XYLT1: variants seen among roughly 807,000 people sequenced by gnomAD.
XYLT1 encodes beta-D-xylosyltransferase 1.
XYLT1 carries 36 observed loss-of-function variants against 91.3 expected under a neutral mutation model. The observed-to-expected ratio is 0.39, with a 90% CI of 0.30 to 0.52. XYLT1 has a LOEUF of 0.52. Ranked by LOEUF, XYLT1 falls within the 20% of genes least tolerant of loss-of-function variation. The probability of loss-of-function intolerance (pLI) is 0.68; values close to 1 mark genes in which losing one functional copy is unlikely to be tolerated. For missense variants in XYLT1, 1,242 were observed against 1,284.5 expected (o/e 0.97, Z 0.51); for synonymous variants, 588 against 532.0 (o/e 1.11, Z -1.45).
chr16:17,316,871 G>A (rs534162707), intron 2 of XYLT1, among the ~76,000 whole-genome samples: 4 of 150,664 alleles, frequency 2.7e-5, no homozygotes, highest in African/African-American at 9.8e-5. Flanking sequence ...GCCCAGGCTG[G>A]AGTGCAGTGG....
At chr16:17,323,806 C>T (rs1425597241) in intron 2 of XYLT1, among the ~76,000 whole-genome samples, 1 of 152,026 alleles carries the variant, frequency 6.6e-6, no homozygotes, top group East Asian at 1.9e-4. Context: ...ATGAATATGC[C>T]CAGGTCTGAT....
At chr16:17,216,958 G>C (rs535390663) in intron 3 of XYLT1, among the ~76,000 whole-genome samples, 302 of 152,316 alleles carry the variant, frequency 2.0e-3, no homozygotes, top group African/African-American at 6.7e-3. Flanking sequence ...TGCTCCTAGA[G>C]GGCAGGGATG....
intron 2 of XYLT1, among the ~76,000 whole-genome samples, chr16:17,265,320 T>G (rs547556037): frequency 6.6e-6 from 1 of 152,288 alleles, no homozygotes; most frequent in Non-Finnish European, 1.5e-5. Context: ...CTCTACCAAT[T>G]AACACTCTCT....
At position 17,312,698 on chromosome 16, in the gene XYLT1, T is replaced by C. The variant is rs540287789; in HGVS notation, c.402+45314A>G. On this transcript the variant is annotated intron_variant, in intron 2 of 11. Transcript: ENST00000261381. The surrounding 1 kb of genome is among the most constrained non-coding windows in gnomAD (Gnocchi z 4.4). The stretch of plus-strand genomic sequence containing the variant: ...CCGTGATTCTATTTACTGTTTAATC[T>C]TCACAGCAATCCTATTATCCCATTT... Among the ~76,000 whole-genome samples, 4 of 152,222 alleles carry C rather than the reference T, an allele frequency of 2.6e-5. No homozygotes were observed. Among genetic ancestry groups the C allele is most frequent in the Non-Finnish European group, 5.9e-5 (4 of 68,042 alleles).
chr16:17,441,073 T>C (rs777411711), intron 1 of XYLT1, among the ~76,000 whole-genome samples: 6 of 151,992 alleles, frequency 3.9e-5, no homozygotes, highest in Non-Finnish European at 8.8e-5. Context: ...AAAATTATCA[T>C]TAATTTTTTT....
chr16:17,321,132 C>T (rs1264442486), intron 2 of XYLT1, among the ~76,000 whole-genome samples: 1 of 151,840 alleles, frequency 6.6e-6, no homozygotes, highest in Admixed American at 6.6e-5. Context: ...GTATCCATAC[C>T]CACAACATCA....
At chr16:17,328,219 C>A (rs1156736485) in intron 2 of XYLT1, among the ~76,000 whole-genome samples, 1 of 151,932 alleles carries the variant, frequency 6.6e-6, no homozygotes, top group African/African-American at 2.4e-5. Context: ...GGTTGAGAAG[C>A]AGGGCCAGCT....
At position 17,104,053 on chromosome 16, in the gene XYLT1, C is replaced by G. The variant is rs1021330635; in HGVS notation, c.*4642G>C. ...CCCCCCTCCCAGGTAAACTTCTCAG[C>G]AGACACAATGAGGTAGCGCCTGTGG... On this transcript the variant is annotated 3_prime_UTR_variant, in exon 12 of 12. Transcript: ENST00000261381. 2.6e-5 allele frequency: 4 copies of G among 152,888 alleles called. No individual in the cohort carries two copies. Among genetic ancestry groups the G allele is most frequent in the African/African-American group, 9.6e-5 (4 of 41,454 alleles). 9.5% of individuals were successfully genotyped at this position (152,888 alleles called of 1,614,324 possible). A position where few individuals can be genotyped will look rare whatever the true frequency, so the allele number is the denominator to read the frequency against.
At chr16:17,109,787 G>C (rs574348543) in intron 11 of XYLT1, among the ~76,000 whole-genome samples, 1 of 152,196 alleles carries the variant, frequency 6.6e-6, no homozygotes, top group East Asian at 1.9e-4. Context: ...CTGGGTTGGA[G>C]AGTGACAGTG....
At chr16:17,398,355 A>G (rs142595008) in intron 1 of XYLT1, among the ~76,000 whole-genome samples, 6 of 152,346 alleles carry the variant, frequency 3.9e-5, no homozygotes, top group African/African-American at 1.4e-4. Context: ...GTAAAGTAAC[A>G]ACGTAAGACC....
At chr16:17,191,615 T>C (rs1300875558) in intron 5 of XYLT1, among the ~76,000 whole-genome samples, 1 of 152,178 alleles carries the variant, frequency 6.6e-6, no homozygotes, top group Non-Finnish European at 1.5e-5. Flanking sequence ...GCTCTGTTAG[T>C]CTGGGGGTTA....
chr16:17,454,833 C>G (rs1179894587), intron 1 of XYLT1, among the ~76,000 whole-genome samples: 1 of 150,552 alleles, frequency 6.6e-6, no homozygotes, highest in Non-Finnish European at 1.5e-5. Flanking sequence ...AGCCACCATG[C>G]CCAGTCAATT....
At chr16:17,353,472 A>G (rs2035248368) in intron 2 of XYLT1, among the ~76,000 whole-genome samples, 1 of 152,202 alleles carries the variant, frequency 6.6e-6, no homozygotes, top group African/African-American at 2.4e-5. Context: ...GAATAAAGTA[A>G]TAAGGATTCC....
intron 5 of XYLT1, among the ~76,000 whole-genome samples, chr16:17,172,493 C>T (rs1477390104): frequency 2.8e-5 from 3 of 107,958 alleles, no homozygotes; most frequent in East Asian, 3.2e-4. Context: ...TTTTTTGAGA[C>T]GGAGTCTCGC....
intron 1 of XYLT1, among the ~76,000 whole-genome samples, chr16:17,452,984 G>T (rs1464360683): frequency 6.6e-6 from 1 of 152,136 alleles, no homozygotes; most frequent in African/African-American, 2.4e-5. Context: ...AAGCTAAAGG[G>T]AAAGGAGGCA....
chr16:17,235,313 T>TTTTC (rs1268726601), intron 3 of XYLT1, among the ~76,000 whole-genome samples: 1 of 150,968 alleles, frequency 6.6e-6, no homozygotes, highest in Non-Finnish European at 1.5e-5. Context: ...TATCATCTTT[T>TTTTC]TTTTTTTTTT....
intron 3 of XYLT1, among the ~76,000 whole-genome samples, chr16:17,212,674 C>G (rs2032781340): frequency 1.3e-5 from 2 of 152,088 alleles, no homozygotes; most frequent in Non-Finnish European, 2.9e-5. Flanking sequence ...TTCCCCCGAC[C>G]CCATTCAAGT....
chr16:17,284,923 G>C (rs191888729), intron 2 of XYLT1, among the ~76,000 whole-genome samples: 6 of 152,328 alleles, frequency 3.9e-5, no homozygotes, highest in African/African-American at 1.4e-4. Flanking sequence ...CTGAACCTGG[G>C]TACACAGAGA....
chr16:17,278,266 C>T (rs915947399), intron 2 of XYLT1, among the ~76,000 whole-genome samples: 5 of 152,122 alleles, frequency 3.3e-5, no homozygotes, highest in Admixed American at 6.5e-5. Context: ...CCAAGAGACC[C>T]GGTGGACCGC....
Sources: allele counts gnomAD v4.1 joint callset (sites outside exome capture counted in the v4.1 genomes callset), GRCh38; gene constraint gnomAD v4.1.1; non-coding constraint Gnocchi (gnomAD v3.1); transcripts MANE v1.5; gene names NCBI Gene and HGNC (gene_info 2026-07-23, HGNC 2026-07-21).